Variants in RPS2 observed in about 807,000 individuals in gnomAD.
RPS2 encodes small ribosomal subunit protein uS5.
RPS2 carries 8 observed loss-of-function variants against 25.3 expected under a neutral mutation model. That is an observed-to-expected ratio of 0.32 (90% CI 0.19 to 0.57). The LOEUF (loss-of-function observed/expected upper bound fraction) is 0.57, where lower values mean the gene tolerates loss of function less well. Among genes scored for constraint, RPS2 ranks in the 20% least tolerant of loss-of-function variants. The pLI is 0.90. For synonymous variants in RPS2, 181 were observed against 161.3 expected (o/e 1.12, Z -0.92); for missense variants, 229 against 408.1 (o/e 0.56, Z 3.78).
Position 1,962,094 on chromosome 16 carries a change from A to C in RPS2, c.*4T>G, listed in dbSNP as rs548252854. The stretch of plus-strand genomic sequence containing the variant: ...ATTCACTTTATTTTTCTTGTATAAA[A>C]ACCCTATGTTGTAGCCACAGCTGGA... On this transcript the variant is annotated 3_prime_UTR_variant, in exon 7 of 7. Coordinates refer to ENST00000343262, the MANE Select transcript of RPS2 (RefSeq NM_002952.4). The C allele has an allele frequency of 1.4e-5, 22 of 1,547,302 alleles. 1 individual carries two copies. Among genetic ancestry groups the C allele is most frequent in the African/African-American group, 1.2e-4 (9 of 72,246 alleles).
intron 6 of RPS2, 105 bp from the exon 7 acceptor site, chr16:1,962,375 G>C (rs2083264529): frequency 1.5e-6 from 2 of 1,375,606 alleles, no homozygotes; most frequent in East Asian, 4.6e-5. Context: ...TTCTGGGCGG[G>C]TCTGTCGTGC....
At chr16:1,964,045 G>T in intron 3 of RPS2, 1 of 563,796 alleles carries the variant, frequency 1.8e-6, no homozygotes, top group Non-Finnish European at 3.2e-6. Context: ...TGAATTCGCT[G>T]CGAATGTGGG....
chr16:1,963,333 C>T (rs907858891), intron 3 of RPS2, 77 bp from the exon 4 acceptor site: 1 of 968,080 alleles, frequency 1.0e-6, no homozygotes, highest in Non-Finnish European at 1.5e-6. Flanking sequence ...GAACCAAAGT[C>T]ACGGCCGGGG....
At position 1,962,672 on chromosome 16, in the gene RPS2, G is replaced by A. The variant is rs773845000; in HGVS notation, c.550-16C>T. 5.0e-6 allele frequency: 8 copies of A among 1,589,454 alleles called. No homozygotes were observed. The South Asian group carries it at 5.6e-5, about 11-fold the overall frequency. On this transcript the variant is annotated splice_polypyrimidine_tract_variant and intron_variant, in intron 5 of 6. Transcript: ENST00000343262. ...GGCCTGTCACCTGGTGAGGGAAGGA[G>A]TCAGGAGACGGGGGCCCGAGGGAGC...
chr16:1,962,207 T>C lies in RPS2; in HGVS notation c.773A>G (p.Glu258Gly). The C allele has an allele frequency of 6.2e-7, 1 of 1,607,610 alleles. No homozygotes were observed. The highest frequency in any genetic ancestry group is 8.5e-7 in the Non-Finnish European group (1 of 1,178,694). The change falls in exon 7 of 7, where the codon GAG becomes GGG. Residue 258 changes from glutamate (E) to glycine (G), a missense_variant. By Grantham distance (98) the Glu-to-Gly change is moderately conservative. Around this residue, in one of 7 missense-constraint regions of RPS2, gnomAD observed 79 missense variants for 159.0 expected, o/e 0.50. Transcript: ENST00000343262. Reference sequence around the variant, plus strand: ...ATAGGGAGACTTGGTGAATACAGTCTCCTTCCAGAGGTCGGGGGTCAGGTA... The same window carrying C: ...ATAGGGAGACTTGGTGAATACAGTCCCCTTCCAGAGGTCGGGGGTCAGGTA... ...YSYLTPDLWK[E>G]TVFTKSPYQE...
chr16:1,964,017 C>G, intron 3 of RPS2: 1 of 517,564 alleles, frequency 1.9e-6, no homozygotes, highest in Middle Eastern at 3.3e-4. Context: ...CGCTGCTTCT[C>G]TTTCAGTTCT....
intron 5 of RPS2, 30 bp from the exon 6 acceptor site, chr16:1,962,686 G>A: frequency 3.2e-6 from 5 of 1,583,936 alleles, no homozygotes; most frequent in Non-Finnish European, 3.4e-6. Flanking sequence ...GGAGACGGGG[G>A]CCCGAGGGAG....
At chr16:1,963,399 CA>C (rs2083275980) in intron 3 of RPS2, 143 bp from the exon 4 acceptor site, 1 of 602,246 alleles carries the variant, frequency 1.7e-6, no homozygotes, top group Non-Finnish European at 3.0e-6. Flanking sequence ...GGGCGGATCA[CA>C]AGGTCAGGAG....
Position 1,963,107 on chromosome 16 carries a change from C to A in RPS2, c.375+42G>T, listed in dbSNP as rs751897327. Reference sequence around the variant, plus strand: ...TGCAACTATGCAGAGCCGAGAGAGTCCCGGCAAGCCCAGCGCAGCCCCCTC... The same window carrying A: ...TGCAACTATGCAGAGCCGAGAGAGTACCGGCAAGCCCAGCGCAGCCCCCTC... On this transcript the variant is annotated intron_variant, in intron 4 of 6. Transcript: ENST00000343262. The A allele has an allele frequency of 4.0e-6, 6 of 1,501,556 alleles. No individual in the cohort carries two copies. The Admixed American group carries it at 8.4e-5, about 21-fold the overall frequency. 93.0% of individuals were successfully genotyped at this position (1,501,556 alleles called of 1,614,324 possible).
rs374258583 is a variant in RPS2 at position 1,964,303 on chromosome 16, C to G, written c.240G>C (p.Glu80Asp). Residue 80 changes from glutamate (E) to aspartate (D), a missense_variant, in exon 3 of 7, where the codon GAG (glutamate) becomes GAC (aspartate). By Grantham distance (45) the Glu-to-Asp change is conservative. Around this residue, in one of 7 missense-constraint regions of RPS2, gnomAD observed 70 missense variants for 119.0 expected, o/e 0.59. Transcript: ENST00000343262. ...VKDMKIKSLEEIYLFSLPIKE... is the reference protein window; with the variant it reads ...VKDMKIKSLEDIYLFSLPIKE... ...TAATAGGCAGGGAGAAGAGATAGAT[C>G]TCCTCCAGGGACTTGATCTTCATGT... The G allele has an allele frequency of 6.2e-7, 1 of 1,613,340 alleles. No individual in the cohort carries two copies. Among genetic ancestry groups the G allele is most frequent in the Non-Finnish European group, 8.5e-7 (1 of 1,179,676 alleles).
Position 1,962,108 on chromosome 16 carries a change from G to T in RPS2, c.872C>A (p.Ala291Asp). The T allele has an allele frequency of 6.4e-7, 1 of 1,561,938 alleles. No individual in the cohort carries two copies. The highest frequency in any genetic ancestry group is 8.6e-7 in the Non-Finnish European group (1 of 1,163,242). ...SVQRTQAPAV[A>D]TT ...TCTTGTATAAAAACCCTATGTTGTA[G>T]CCACAGCTGGAGCCTGAGTCCGCTG... Residue 291 changes from alanine to aspartate, a missense_variant, in exon 7 of 7, where the codon GCT becomes GAT. Around this residue, in one of 7 missense-constraint regions of RPS2, gnomAD observed 32 missense variants for 29.4 expected, o/e 1.09. Transcript: ENST00000343262.
Position 1,964,356 on chromosome 16 carries a change from C to T in RPS2, c.187G>A (p.Val63Ile). 6.2e-7 allele frequency: 1 copy of T among 1,613,302 alleles called. No individual in the cohort carries two copies. Among genetic ancestry groups the T allele is most frequent in the Non-Finnish European group, 8.5e-7 (1 of 1,179,908 alleles). The change falls in exon 3 of 7, where the codon GTC becomes ATC. Residue 63 changes from valine (V) to isoleucine (I), a missense_variant. Physicochemically the swap from Val to Ile is conservative, Grantham distance 29 (BLOSUM62 3). Transcript: ENST00000343262. ...GKAEDKEWMP[V>I]TKLGRLVKDM... is the part of the protein sequence containing the mutation. The stretch of plus-strand genomic sequence containing the variant: ...TTGACCAAGCGGCCCAACTTGGTGA[C>T]GGGCATCCACTAAAGGGAGAAAAGG...
rs1489555379 is a variant in RPS2 at position 1,962,537 on chromosome 16, G to A, written c.669C>T (p.Tyr223=). ...LLMMAGIDDC[Y]TSARGCTATL... ...TGGCAGTGCAGCCCCGGGCTGAGGTGTAGCAGTCATCGATACCAGCCATCA... is the reference window on the plus strand; with the variant it reads ...TGGCAGTGCAGCCCCGGGCTGAGGTATAGCAGTCATCGATACCAGCCATCA... The change falls in exon 6 of 7, where the codon TAC becomes TAT. Residue 223 remains tyrosine (Y), a synonymous_variant. Transcript: ENST00000343262. The A allele has an allele frequency of 3.1e-6, 5 of 1,611,882 alleles. No homozygotes were observed. Among genetic ancestry groups the A allele is most frequent in the Non-Finnish European group, 4.2e-6 (5 of 1,179,688 alleles).
chr16:1,963,070 G>A (rs2083271997), intron 4 of RPS2, 79 bp downstream of exon 4: 8 of 1,392,088 alleles, frequency 5.7e-6, no homozygotes, highest in African/African-American at 1.4e-5. Flanking sequence ...AAGTCACACG[G>A]GTGAAGCCAA....
chr16:1,963,305 T>G, intron 3 of RPS2, 49 bp from the exon 4 acceptor site: 3 of 1,242,450 alleles, frequency 2.4e-6, no homozygotes, highest in Non-Finnish European at 3.4e-6. Context: ...AAAAACTTAA[T>G]ACCATTATGA....
At position 1,962,236 on chromosome 16, in the gene RPS2, G is replaced by A. The variant is rs2083262672; in HGVS notation, c.744C>T (p.Tyr248=). The A allele has an allele frequency of 1.3e-5, 21 of 1,612,418 alleles. No individual in the cohort carries two copies. Among genetic ancestry groups the A allele is most frequent in the Non-Finnish European group, 1.8e-5 (21 of 1,179,632 alleles). Residue 248 remains tyrosine, a synonymous_variant, in exon 7 of 7, where the codon TAC becomes TAT. Transcript: ENST00000343262. ...TCCAGAGGTCGGGGGTCAGGTAGCT[G>A]TAGGTCTTAGAAATGGCATCAAAGG... ...KATFDAISKT[Y]SYLTPDLWKE...
At chr16:1,962,356 G>A (rs1266029363) in intron 6 of RPS2, 86 bp from the exon 7 acceptor site, 2 of 1,403,870 alleles carry the variant, frequency 1.4e-6, no homozygotes, top group Non-Finnish European at 2.0e-6. Context: ...CCTAGGAACA[G>A]AGAGGCCATT....
At chr16:1,963,697 T>C (rs926967023) in intron 3 of RPS2, 8 of 409,488 alleles carry the variant, frequency 2.0e-5, no homozygotes, top group Non-Finnish European at 4.0e-5. Flanking sequence ...TTTTGGAAGC[T>C]TGTATGTAAG....
chr16:1,963,472 C>T lies in RPS2; in HGVS notation c.268-216G>A, dbSNP rs193162970. 1.5e-3 allele frequency among the ~76,000 whole-genome samples: 224 copies of T among 152,144 alleles called. 1 individual carries two copies. The highest frequency in any genetic ancestry group is 2.6e-3 in the Admixed American group (39 of 15,268). ...TCTATTAAAGACACAAAAAATTAGCCGGGCATGGTGGAGTGCGCCTGTAAC... is the reference window on the plus strand; with the variant it reads ...TCTATTAAAGACACAAAAAATTAGCTGGGCATGGTGGAGTGCGCCTGTAAC... On this transcript the variant is annotated intron_variant, in intron 3 of 6. Coordinates refer to ENST00000343262, the MANE Select transcript of RPS2 (RefSeq NM_002952.4).
Sources: gnomAD v4.1 joint callset for allele counts (sites outside exome capture counted in the v4.1 genomes callset) on GRCh38, gnomAD v4.1.1 for gene constraint, gnomAD v4.1.1 regional missense constraint, MANE v1.5 for transcripts, NCBI Gene and HGNC (gene_info 2026-07-23, HGNC 2026-07-21) for gene names.